IDH1: variants seen among roughly 807,000 people sequenced by gnomAD.
IDH1 encodes isocitrate dehydrogenase (NADP(+)) 1, also known as isocitrate dehydrogenase [NADP] cytoplasmic.
IDH1 carries 33 observed loss-of-function variants against 46.1 expected under a neutral mutation model. That is an observed-to-expected ratio of 0.72 (90% CI 0.54 to 0.96). The LOEUF (loss-of-function observed/expected upper bound fraction) is 0.96, where lower values mean the gene tolerates loss of function less well. Among genes scored for constraint, IDH1 ranks in the 40% least tolerant of loss-of-function variants. The pLI, the probability that IDH1 is intolerant of heterozygous loss-of-function variation, is 0.00. For missense variants in IDH1, 421 were observed against 515.7 expected (o/e 0.82, Z 1.78); for synonymous variants, 144 against 172.8 (o/e 0.83, Z 1.31).
chr2:208,251,608 A>T, intron 2 of IDH1, 41 bp from the exon 3 acceptor site: 1 of 1,529,632 alleles, frequency 6.5e-7, no homozygotes, highest in South Asian at 1.1e-5. Flanking sequence ...CATTTATTTC[A>T]TTATAAAGTG....
At chr2:208,243,156 A>G (rs1687952230) in intron 6 of IDH1, among the ~76,000 whole-genome samples, 1 of 152,216 alleles carries the variant, frequency 6.6e-6, no homozygotes, top group African/African-American at 2.4e-5. Flanking sequence ...ACTTATCACT[A>G]ACAGCGTACG....
chr2:208,240,151 TCAG>T, intron 7 of IDH1, 148 bp from the exon 8 acceptor site: 2 of 825,960 alleles, frequency 2.4e-6, no homozygotes, highest in Non-Finnish European at 2.0e-6. Context: ...ATTCTGCCTT[TCAG>T]AAGGCAGGAT....
chr2:208,243,707 C>T (rs1299600282), intron 5 of IDH1, 103 bp from the exon 6 acceptor site: 3 of 886,708 alleles, frequency 3.4e-6, no homozygotes, highest in Non-Finnish European at 5.5e-6. Context: ...ACCTACTTCT[C>T]AGCTCTCACA....
intron 4 of IDH1, among the ~76,000 whole-genome samples, chr2:208,246,668 T>C (rs113507946): frequency 0.024 from 3,484 of 145,058 alleles, 60 homozygotes; most frequent in African/African-American, 0.057. Flanking sequence ...AGGCCGGGCA[T>C]GGTGGCATGC....
chr2:208,254,889 C>T (rs1688186286), intron 1 of IDH1, 50 bp downstream of exon 1: 1 of 152,406 alleles, frequency 6.6e-6, no homozygotes, highest in East Asian at 1.9e-4. Context: ...GAATTAGAGC[C>T]ACCCCTCCAC....
chr2:208,251,728 C>G (rs1327795267), intron 2 of IDH1, among the ~76,000 whole-genome samples, 161 bp from the exon 3 acceptor site: 1 of 152,098 alleles, frequency 6.6e-6, no homozygotes, highest in Non-Finnish European at 1.5e-5. Flanking sequence ...AACAGCAATT[C>G]TATTTACCAT....
chr2:208,254,053 C>G (rs1688169807), intron 1 of IDH1, 94 bp from the exon 2 acceptor site: 1 of 152,184 alleles, frequency 6.6e-6, no homozygotes. Context: ...CCAGTTTATC[C>G]GGTTTAAAGT....
At chr2:208,252,861 G>C (rs1399273396) in intron 2 of IDH1, among the ~76,000 whole-genome samples, 1 of 152,158 alleles carries the variant, frequency 6.6e-6, no homozygotes, top group African/African-American at 2.4e-5. Context: ...GATTCCTTTG[G>C]GGGAACCTTC....
chr2:208,244,362 C>G (rs767956513), intron 5 of IDH1, among the ~76,000 whole-genome samples: 1 of 152,220 alleles, frequency 6.6e-6, no homozygotes, highest in Non-Finnish European at 1.5e-5. Flanking sequence ...CAAGAATGGA[C>G]AAACACCCTA....
intron 3 of IDH1, among the ~76,000 whole-genome samples, chr2:208,249,335 A>AG (rs1408569202): frequency 1.3e-5 from 2 of 152,128 alleles, no homozygotes; most frequent in Non-Finnish European, 2.9e-5. Context: ...GACTACAGGC[A>AG]TGCACCACCA....
At chr2:208,244,192 A>G (rs1329060176) in intron 5 of IDH1, among the ~76,000 whole-genome samples, 1 of 152,048 alleles carries the variant, frequency 6.6e-6, no homozygotes, top group African/African-American at 2.4e-5. Context: ...CATGTGATAC[A>G]CCTATTGTCT....
chr2:208,243,197 A>T (rs1687952939), intron 6 of IDH1, among the ~76,000 whole-genome samples: 2 of 152,222 alleles, frequency 1.3e-5, no homozygotes, highest in African/African-American at 4.8e-5. Flanking sequence ...CCTGGCTCTG[A>T]AAACAATTCA....
intron 9 of IDH1, 99 bp downstream of exon 9, chr2:208,238,972 T>C (rs1687866871): frequency 1.1e-5 from 12 of 1,092,224 alleles, no homozygotes; most frequent in Admixed American, 6.9e-5. Context: ...AACTAGATGA[T>C]GAATAACAAT....
At chr2:208,242,750 CTTTTT>C (rs1158696870) in intron 6 of IDH1, among the ~76,000 whole-genome samples, 1 of 151,156 alleles carries the variant, frequency 6.6e-6, no homozygotes, top group Admixed American at 6.6e-5. Flanking sequence ...ATTTTAAATT[CTTTTT>C]TTTCTTTTCT....
At chr2:208,251,670 G>A (rs925121657) in intron 2 of IDH1, 103 bp from the exon 3 acceptor site, 2 of 879,414 alleles carry the variant, frequency 2.3e-6, no homozygotes, top group Admixed American at 2.4e-5. Context: ...ACTACTAAAA[G>A]AACAATTCAT....
In IDH1 at chr2:208,242,084, T is replaced by A; in HGVS notation, c.760A>T (p.Met254Leu). 1 of 1,613,812 alleles carries A rather than the reference T, an allele frequency of 6.2e-7. No homozygotes were observed. The highest frequency in any genetic ancestry group is 8.5e-7 in the Non-Finnish European group (1 of 1,179,890). Residue 254 changes from methionine (M) to leucine (L), a missense_variant, in exon 7 of 10, where the codon ATG (methionine) becomes TTG (leucine). By Grantham distance (15) the Met-to-Leu change is conservative. Transcript: ENST00000345146. The part of the protein sequence containing the change: ...IWYEHRLIDD[M>L]VAQAMKSEGG... Reference sequence around the variant, plus strand: ...TCTGATTTCATAGCTTGGGCCACCATGTCGTCGATGAGCCTATGCTCATAC... The same window carrying A: ...TCTGATTTCATAGCTTGGGCCACCAAGTCGTCGATGAGCCTATGCTCATAC...
chr2:208,251,230 C>CTTT, intron 3 of IDH1, 200 bp downstream of exon 3: 1 of 442,594 alleles, frequency 2.3e-6, no homozygotes, highest in Admixed American at 4.0e-5. Flanking sequence ...TTTTTTTTTC[C>CTTT]TGTTTCTCCT....
At chr2:208,249,616 G>A (rs570901027) in intron 3 of IDH1, among the ~76,000 whole-genome samples, 11 of 152,264 alleles carry the variant, frequency 7.2e-5, no homozygotes, top group South Asian at 4.1e-4. Flanking sequence ...TGTTTATTCT[G>A]TTCTCCAAGG....
intron 9 of IDH1, among the ~76,000 whole-genome samples, chr2:208,237,844 T>C (rs1234235864): frequency 6.6e-6 from 1 of 151,086 alleles, no homozygotes; most frequent in Non-Finnish European, 1.5e-5. Context: ...AAGAATCACT[T>C]GAACCCAGGA....
Sources: gnomAD v4.1 joint callset for allele counts (sites outside exome capture counted in the v4.1 genomes callset) on GRCh38, gnomAD v4.1.1 for gene constraint, MANE v1.5 for transcripts, NCBI Gene and HGNC (gene_info 2026-07-23, HGNC 2026-07-21) for gene names.